CRAT: variants seen among roughly 807,000 people sequenced by gnomAD.
CRAT encodes carnitine O-acetyltransferase, also known as carnitine acetylase.
A neutral mutation model predicts 73.7 loss-of-function variants in CRAT; 66 were observed. The ratio of observed to expected loss-of-function variants is 0.90; its 90% CI spans 0.73 to 1.10. The LOEUF is 1.10. Ranked by LOEUF, CRAT falls within the 50% of genes least tolerant of loss-of-function variation. The probability of loss-of-function intolerance (pLI) is 0.00; values close to 1 mark genes in which losing one functional copy is unlikely to be tolerated. For synonymous variants in CRAT, 321 were observed against 343.2 expected (o/e 0.94, Z 0.71); for missense variants, 745 against 846.9 (o/e 0.88, Z 1.49).
In CRAT at chr9:129,103,768, TA is replaced by T. The variant is rs1474769695; in HGVS notation, c.410+419del. Among the ~76,000 whole-genome samples the T allele has an allele frequency of 6.6e-6, 1 of 152,052 alleles. No individual in the cohort carries two copies. The highest frequency in any genetic ancestry group is 1.9e-4 in the East Asian group (1 of 5,184). On this transcript the variant is annotated intron_variant, in intron 3 of 13. Coordinates refer to ENST00000318080, the MANE Select transcript of CRAT (RefSeq NM_000755.5). This position sits in a 1 kb window ranked among gnomAD's most constrained non-coding sequence, Gnocchi z 4.6. ...TTGTCACTGGTATTTTTATCTCTGG[TA>T]GGACTGGAATAGGGGCTGGGGCAGG...
intron 1 of CRAT, chr9:129,108,764 TTC>T (rs1848179011): frequency 7.7e-7 from 1 of 1,304,204 alleles, no homozygotes; most frequent in Non-Finnish European, 1.0e-6. Flanking sequence ...GTTCCATACC[TTC>T]TCTCTCTGCT....
intron 12 of CRAT, among the ~76,000 whole-genome samples, chr9:129,096,415 G>T (rs960801313): frequency 2.6e-5 from 4 of 152,252 alleles, no homozygotes; most frequent in Admixed American, 6.5e-5. Flanking sequence ...GCCTTGGCAG[G>T]TTGCTTAGGT....
Position 129,106,872 on chromosome 9 carries a change from T to C in CRAT, c.291+942A>G, listed in dbSNP as rs1458521627. 6.6e-6 allele frequency among the ~76,000 whole-genome samples: 1 copy of C among 152,100 alleles called. No individual in the cohort carries two copies. The highest frequency in any genetic ancestry group is 1.9e-4 in the East Asian group (1 of 5,182). On this transcript the variant is annotated intron_variant, in intron 2 of 13. Coordinates refer to ENST00000318080, the MANE Select transcript of CRAT (RefSeq NM_000755.5). The surrounding 1 kb of genome is among the most constrained non-coding windows in gnomAD (Gnocchi z 4.0). ...AAATTCCACCCGTGCCCCCACCTCATTGGCAAGTGACACTGGCACTGCCTC... is the reference window on the plus strand; with the variant it reads ...AAATTCCACCCGTGCCCCCACCTCACTGGCAAGTGACACTGGCACTGCCTC...
intron 1 of CRAT, chr9:129,109,053 T>G (rs1848202441): frequency 1.6e-6 from 2 of 1,248,848 alleles, no homozygotes; most frequent in Non-Finnish European, 2.1e-6. Flanking sequence ...AGTAGAGGAA[T>G]GGGGAGCAGG....
At chr9:129,097,367 A>C in intron 11 of CRAT, 55 bp from the exon 12 acceptor site, 2 of 1,400,432 alleles carry the variant, frequency 1.4e-6, no homozygotes, top group East Asian at 2.6e-5. Flanking sequence ...CTTCTGGCCC[A>C]CCTCAGTAGC....
chr9:129,096,219 C>T (rs568934224), intron 12 of CRAT, 84 bp from the exon 13 acceptor site: 1 of 1,549,490 alleles, frequency 6.5e-7, no homozygotes, highest in Middle Eastern at 2.3e-4. Context: ...GCAGCGCCAC[C>T]CTTCGCAGGC....
At position 129,106,339 on chromosome 9, in the gene CRAT, G is replaced by A. The variant is rs1848013413; in HGVS notation, c.291+1475C>T. ...TTTTCCTCATCTGTAGATCAGTGAA[G>A]GGCAGACAGGAGCTTCCTTCCCTTG... On this transcript the variant is annotated intron_variant, in intron 2 of 13. Coordinates refer to ENST00000318080, the MANE Select transcript of CRAT (RefSeq NM_000755.5). This position sits in a 1 kb window ranked among gnomAD's most constrained non-coding sequence, Gnocchi z 4.0. Among the ~76,000 whole-genome samples the A allele has an allele frequency of 6.6e-6, 1 of 152,186 alleles. No individual in the cohort carries two copies. The highest frequency in any genetic ancestry group is 1.5e-5 in the Non-Finnish European group (1 of 68,036).
At chr9:129,097,845 G>A in intron 11 of CRAT, 168 bp downstream of exon 11, 2 of 933,360 alleles carry the variant, frequency 2.1e-6, no homozygotes, top group South Asian at 1.7e-5. Context: ...TTTCCTCTTT[G>A]GTCCCCAGGA....
intron 11 of CRAT, among the ~76,000 whole-genome samples, chr9:129,097,538 G>A (rs1008168911): frequency 2.0e-5 from 3 of 151,952 alleles, no homozygotes; most frequent in South Asian, 4.2e-4. Context: ...GTGAAATCCC[G>A]TTTCTACTAA....
At position 129,107,796 on chromosome 9, in the gene CRAT, G is replaced by A. The variant is rs927012768; in HGVS notation, c.291+18C>T. The A allele has an allele frequency of 1.2e-6, 2 of 1,613,142 alleles. No homozygotes were observed. The highest frequency in any genetic ancestry group is 1.7e-5 in the Admixed American group (1 of 60,024). ...TGTGCAGCCAGCAGCAGGTCACAGT[G>A]AGGATGCCCTCACTCACCCAGTTCT... On this transcript the variant is annotated intron_variant, in intron 2 of 13. Transcript: ENST00000318080. This position sits in a 1 kb window ranked among gnomAD's most constrained non-coding sequence, Gnocchi z 5.0.
At position 129,103,008 on chromosome 9, in the gene CRAT, C is replaced by T. The variant is rs1303584746; in HGVS notation, c.464+5G>A. On this transcript the variant is annotated splice_donor_5th_base_variant and intron_variant, in intron 4 of 13. Transcript: ENST00000318080. This position sits in a 1 kb window ranked among gnomAD's most constrained non-coding sequence, Gnocchi z 4.6. ...GTGGGGCTGGGCAGGGGTGGGGATG[C>T]TCACTTGTCAATCATGACCTTGAAA... 1 of 1,613,496 alleles carries T rather than the reference C, an allele frequency of 6.2e-7. No homozygotes were observed. The highest frequency in any genetic ancestry group is 1.3e-5 in the African/African-American group (1 of 74,888).
At chr9:129,104,408 G>T in intron 2 of CRAT, 102 bp from the exon 3 acceptor site, 1 of 819,684 alleles carries the variant, frequency 1.2e-6, no homozygotes, top group Non-Finnish European at 2.0e-6. Flanking sequence ...CCTCTACCTG[G>T]CTATGGAGAT....
chr9:129,106,216 T>G lies in CRAT; in HGVS notation c.291+1598A>C, dbSNP rs765052091. On this transcript the variant is annotated intron_variant, in intron 2 of 13. Transcript: ENST00000318080. This position sits in a 1 kb window ranked among gnomAD's most constrained non-coding sequence, Gnocchi z 4.0. ...CAGGTGACTGGTAGCCCCTAAGAAC[T>G]GGGTCCCTGAGTCAGTCAGACCTTC... Among the ~76,000 whole-genome samples, 7 of 152,170 alleles carry G rather than the reference T, an allele frequency of 4.6e-5. No individual in the cohort carries two copies. Among genetic ancestry groups the G allele is most frequent in the Non-Finnish European group, 1.0e-4 (7 of 68,016 alleles).
chr9:129,103,043 C>T lies in CRAT; in HGVS notation c.434G>A (p.Gly145Asp). Residue 145 changes from glycine to aspartate, a missense_variant, in exon 4 of 14, where the codon GGT becomes GAT. Transcript: ENST00000318080. This position sits in a 1 kb window ranked among gnomAD's most constrained non-coding sequence, Gnocchi z 4.6. ...QLRFAAKLIE[G>D]VLDFKVMIDN... ...AATCATGACCTTGAAATCCAACACACCCTCAATGAGTTTGGCAGCAAATCT... is the reference window on the plus strand; with the variant it reads ...AATCATGACCTTGAAATCCAACACATCCTCAATGAGTTTGGCAGCAAATCT... The T allele has an allele frequency of 6.2e-7, 1 of 1,614,126 alleles. No homozygotes were observed. The highest frequency in any genetic ancestry group is 8.5e-7 in the Non-Finnish European group (1 of 1,179,986).
chr9:129,100,550 C>T lies in CRAT; in HGVS notation c.945G>A (p.Arg315=). Residue 315 remains arginine (R), a synonymous_variant, in exon 7 of 14, where the codon AGG becomes AGA. Transcript: ENST00000318080. ...AGQMLHGGGS[R]LNSGNRWFDK... ...CGAACCAGCGGTTGCCGCTGTTGAG[C>T]CTGCTGCCGCCCCCATGCAGCATCT... is the stretch of plus-strand genomic sequence containing the variant. 1.2e-6 allele frequency: 2 copies of T among 1,613,750 alleles called. No individual in the cohort carries two copies. The highest frequency in any genetic ancestry group is 1.7e-6 in the Non-Finnish European group (2 of 1,179,948).
chr9:129,109,205 G>A, intron 1 of CRAT: 17 of 1,304,250 alleles, frequency 1.3e-5, no homozygotes, highest in Non-Finnish European at 1.6e-5. Flanking sequence ...AGATCGTTTT[G>A]ATGAGGGAAA....
chr9:129,099,076 G>A (rs1375520339), intron 8 of CRAT, among the ~76,000 whole-genome samples: 1 of 151,552 alleles, frequency 6.6e-6, no homozygotes, highest in Non-Finnish European at 1.5e-5. Flanking sequence ...CTGGGTTCAA[G>A]TGATTCTTGT....
chr9:129,098,892 C>T (rs1431689587), intron 8 of CRAT, among the ~76,000 whole-genome samples: 1 of 150,270 alleles, frequency 6.7e-6, no homozygotes, highest in Non-Finnish European at 1.5e-5. Context: ...CAGCTCACTG[C>T]AACCTTGGCC....
chr9:129,102,902 A>G, intron 4 of CRAT, 111 bp downstream of exon 4: 1 of 999,628 alleles, frequency 1.0e-6, no homozygotes. Context: ...CAGCTGGAGC[A>G]GGGCCCAGGG....
Sources: allele counts gnomAD v4.1 joint callset (sites outside exome capture counted in the v4.1 genomes callset), GRCh38; gene constraint gnomAD v4.1.1; non-coding constraint Gnocchi (gnomAD v3.1); transcripts MANE v1.5; gene names NCBI Gene and HGNC (gene_info 2026-07-23, HGNC 2026-07-21).